Variants in TOX observed in about 807,000 individuals in gnomAD.
The protein encoded by TOX is thymocyte selection associated high mobility group box.
TOX carries 11 observed loss-of-function variants against 53.7 expected under a neutral mutation model. The observed-to-expected ratio is 0.20, with a 90% CI of 0.13 to 0.34. The LOEUF (loss-of-function observed/expected upper bound fraction) is 0.34. Ranked by LOEUF, TOX falls within the 10% of genes least tolerant of loss-of-function variation. The pLI, the probability that TOX is intolerant of heterozygous loss-of-function variation, is 1.00. For missense variants in TOX, 570 were observed against 664.6 expected (o/e 0.86, Z 1.56); for synonymous variants, 225 against 245.3 (o/e 0.92, Z 0.77).
chr8:58,818,689 C>T (rs1428866462), intron 6 of TOX, among the ~76,000 whole-genome samples: 2 of 152,178 alleles, frequency 1.3e-5, no homozygotes, highest in Non-Finnish European at 2.9e-5. Flanking sequence ...ACACACCGTT[C>T]CTCTTCCCAT....
chr8:58,922,328 G>A (rs1431794505), intron 3 of TOX, among the ~76,000 whole-genome samples: 2 of 152,180 alleles, frequency 1.3e-5, no homozygotes, highest in Non-Finnish European at 2.9e-5. Flanking sequence ...ATCATGATAA[G>A]TTAGAATATT....
chr8:59,013,030 A>G (rs1268843661), intron 1 of TOX, among the ~76,000 whole-genome samples: 1 of 152,164 alleles, frequency 6.6e-6, no homozygotes, highest in African/African-American at 2.4e-5. Context: ...ATTATCCAGC[A>G]ATTCTATTGC....
chr8:59,093,950 T>C (rs1804667845), intron 1 of TOX, among the ~76,000 whole-genome samples: 1 of 152,188 alleles, frequency 6.6e-6, no homozygotes, highest in Non-Finnish European at 1.5e-5. Context: ...AGTATTTGCC[T>C]ACAACATCGA....
At chr8:59,013,800 CT>C (rs1456313958) in intron 1 of TOX, among the ~76,000 whole-genome samples, 2 of 152,232 alleles carry the variant, frequency 1.3e-5, no homozygotes, top group Non-Finnish European at 2.9e-5. Context: ...GATAGAAACA[CT>C]TTTATTTAAT....
Position 58,939,390 on chromosome 8 carries a change from A to C in TOX, c.323T>G (p.Phe108Cys), listed in dbSNP as rs536229358. 63 of 1,613,950 alleles carry C rather than the reference A, an allele frequency of 3.9e-5. No individual in the cohort carries two copies. The South Asian group carries it at 6.5e-4, about 17-fold the overall frequency. Reference protein sequence around the residue: ...HPMNHNGLLPFHPQNMDLPEI... With the variant: ...HPMNHNGLLPCHPQNMDLPEI... ...AGGGAGGTCCATGTTTTGTGGATGAAATGGTAGCAGGCCATTATGGTTCAT... is the reference window on the plus strand; with the variant it reads ...AGGGAGGTCCATGTTTTGTGGATGACATGGTAGCAGGCCATTATGGTTCAT... The change falls in exon 3 of 9, where the codon TTT becomes TGT. Residue 108 changes from phenylalanine (F) to cysteine (C), a missense_variant. Around this residue, in one of 3 missense-constraint regions of TOX, gnomAD observed 282 missense variants for 315.0 expected, o/e 0.90. Transcript: ENST00000361421.
chr8:59,072,291 G>T (rs1437665093), intron 1 of TOX, among the ~76,000 whole-genome samples: 2 of 152,150 alleles, frequency 1.3e-5, no homozygotes, highest in East Asian at 3.9e-4. Context: ...AAGGCATTCT[G>T]CCACGGTGAC....
intron 1 of TOX, among the ~76,000 whole-genome samples, chr8:58,976,068 C>T (rs961061089): frequency 1.2e-4 from 8 of 64,510 alleles, no homozygotes; most frequent in Non-Finnish European, 3.4e-4. Flanking sequence ...GAGACTCCGT[C>T]TAATAAAAAA....
chr8:58,811,015 A>G (rs540395835), intron 7 of TOX, among the ~76,000 whole-genome samples: 1 of 152,372 alleles, frequency 6.6e-6, no homozygotes, highest in Admixed American at 6.5e-5. Context: ...TTCAATGTCT[A>G]TTTTAAGATC....
intron 1 of TOX, among the ~76,000 whole-genome samples, chr8:59,089,386 C>A (rs1341674827): frequency 6.6e-6 from 1 of 152,160 alleles, no homozygotes; most frequent in African/African-American, 2.4e-5. Context: ...TCATAGTGAC[C>A]TCTTTCAGCT....
At chr8:59,070,417 G>C (rs1426583454) in intron 1 of TOX, among the ~76,000 whole-genome samples, 2 of 151,912 alleles carry the variant, frequency 1.3e-5, no homozygotes, top group Non-Finnish European at 2.9e-5. Context: ...CTTAGAAGGA[G>C]TTAGAAACAT....
intron 6 of TOX, among the ~76,000 whole-genome samples, chr8:58,820,432 T>C (rs1215097083): frequency 6.6e-6 from 1 of 152,236 alleles, no homozygotes; most frequent in African/African-American, 2.4e-5. Flanking sequence ...GTTATCCAAA[T>C]GCCATATCCT....
chr8:58,983,500 T>C (rs566825949), intron 1 of TOX, among the ~76,000 whole-genome samples: 2 of 152,366 alleles, frequency 1.3e-5, no homozygotes, highest in Admixed American at 1.3e-4. Context: ...TTTTCTGACC[T>C]TCAAGTTCTT....
chr8:58,978,935 A>G (rs1012584017), intron 1 of TOX, among the ~76,000 whole-genome samples: 2 of 152,314 alleles, frequency 1.3e-5, no homozygotes, highest in East Asian at 1.9e-4. Context: ...TTTTCAGCCA[A>G]TGCTGCCTGT....
chr8:58,816,907 C>A (rs1156749968), intron 6 of TOX, among the ~76,000 whole-genome samples: 1 of 152,150 alleles, frequency 6.6e-6, no homozygotes, highest in East Asian at 1.9e-4. Context: ...TATCACCAGG[C>A]AGCTTACATT....
At chr8:58,828,649 G>A (rs1810402029) in intron 5 of TOX, among the ~76,000 whole-genome samples, 1 of 152,008 alleles carries the variant, frequency 6.6e-6, no homozygotes, top group African/African-American at 2.4e-5. Flanking sequence ...TTTGAACAGT[G>A]TGATCTGTGT....
At chr8:59,115,161 A>C (rs1805080772) in intron 1 of TOX, among the ~76,000 whole-genome samples, 1 of 152,082 alleles carries the variant, frequency 6.6e-6, no homozygotes, top group Non-Finnish European at 1.5e-5. Context: ...GATTCCATAA[A>C]GGCAACCACT....
chr8:58,852,179 CA>C (rs1439799915), intron 3 of TOX, among the ~76,000 whole-genome samples: 1 of 152,052 alleles, frequency 6.6e-6, no homozygotes, highest in East Asian at 1.9e-4. Flanking sequence ...TGTTGATGCT[CA>C]TTAGAGTGTC....
intron 1 of TOX, among the ~76,000 whole-genome samples, chr8:59,025,611 A>G (rs1014816631): frequency 3.3e-5 from 5 of 152,126 alleles, no homozygotes; most frequent in Non-Finnish European, 5.9e-5. Context: ...ACCGCTGGCG[A>G]ACATCCAGTG....
At chr8:59,019,815 C>G (rs1237400057) in intron 1 of TOX, among the ~76,000 whole-genome samples, 2 of 152,134 alleles carry the variant, frequency 1.3e-5, no homozygotes, top group Non-Finnish European at 2.9e-5. Flanking sequence ...TATCATTTCA[C>G]TCGGTGAGCA....
Sources: allele counts gnomAD v4.1 joint callset (sites outside exome capture counted in the v4.1 genomes callset), GRCh38; gene constraint gnomAD v4.1.1; regional missense constraint gnomAD v4.1.1; transcripts MANE v1.5; gene names NCBI Gene and HGNC (gene_info 2026-07-23, HGNC 2026-07-21).